The following UBXN2A variants were observed in gnomAD, a reference collection of about 807,000 sequenced individuals.
UBXN2A encodes the protein UBX domain protein 2A.
Under a neutral mutation model 28.4 loss-of-function variants are expected in UBXN2A, and 28 were observed. That is an observed-to-expected ratio of 0.99 (90% CI 0.73 to 1.35). The LOEUF (loss-of-function observed/expected upper bound fraction) is 1.35. UBXN2A is among the 40% of genes most tolerant of loss of function. UBXN2A has a pLI of 0.00. For missense variants in UBXN2A, 253 were observed against 297.9 expected (o/e 0.85, Z 1.11); for synonymous variants, 97 against 103.6 (o/e 0.94, Z 0.39).
In UBXN2A at chr2:23,958,295, T is replaced by C. The variant is rs768422579; in HGVS notation, c.-14-6T>C. On this transcript the variant is annotated splice_polypyrimidine_tract_variant and splice_region_variant and intron_variant, in intron 1 of 6. Transcript: ENST00000309033. Reference sequence around the variant, plus strand: ...CTTTTTACTTACTTTCTTTGTACTTTTACAGTAAGGCGAAAGAGAATGAAA... The same window carrying C: ...CTTTTTACTTACTTTCTTTGTACTTCTACAGTAAGGCGAAAGAGAATGAAA... The C allele has an allele frequency of 6.3e-7, 1 of 1,591,904 alleles. No individual in the cohort carries two copies. The highest frequency in any genetic ancestry group is 8.5e-7 in the Non-Finnish European group (1 of 1,172,468).
chr2:23,982,594 A>G (rs1363216713), intron 4 of UBXN2A, among the ~76,000 whole-genome samples: 1 of 152,092 alleles, frequency 6.6e-6, no homozygotes, highest in Non-Finnish European at 1.5e-5. Context: ...CCAGGAGTTC[A>G]AGACCAGCCT....
upstream of UBXN2A, among the ~76,000 whole-genome samples, chr2:23,938,162 A>G (rs923458056): frequency 6.6e-6 from 1 of 151,972 alleles, no homozygotes; most frequent in Non-Finnish European, 1.5e-5. Context: ...TCGCACCAGT[A>G]TTGTTAAGAT....
intron 1 of UBXN2A, among the ~76,000 whole-genome samples, chr2:23,943,443 A>G (rs1705869093): frequency 6.6e-6 from 1 of 152,058 alleles, no homozygotes; most frequent in African/African-American, 2.4e-5. Flanking sequence ...ATTCACACCT[A>G]TTGGAGGAAT....
chr2:23,953,705 G>C (rs1343473556), intron 1 of UBXN2A, among the ~76,000 whole-genome samples: 1 of 152,120 alleles, frequency 6.6e-6, no homozygotes, highest in African/African-American at 2.4e-5. Flanking sequence ...CATAATATAT[G>C]TGTTGAAGAA....
At chr2:23,981,476 TAAAAAAAAAAAAAAAAAAA>T (rs55665209) in intron 4 of UBXN2A, among the ~76,000 whole-genome samples, 1 of 28,910 alleles carries the variant, frequency 3.5e-5, no homozygotes, top group Non-Finnish European at 5.6e-5. Flanking sequence ...AGCTCCTATC[TAAAAAAAAAAAAAAAAAAA>T]AAAAAAAAAA....
At chr2:23,997,899 C>A (rs992657850) in intron 6 of UBXN2A, among the ~76,000 whole-genome samples, 5 of 151,436 alleles carry the variant, frequency 3.3e-5, no homozygotes, top group Non-Finnish European at 7.4e-5. Context: ...TGCAACCTCG[C>A]CTCCTGGGTT....
chr2:23,943,239 G>C (rs1192782114), intron 1 of UBXN2A, among the ~76,000 whole-genome samples: 1 of 151,910 alleles, frequency 6.6e-6, no homozygotes, highest in Non-Finnish European at 1.5e-5. Flanking sequence ...ACAGGCGTGA[G>C]CCACCGTGCC....
intron 3 of UBXN2A, among the ~76,000 whole-genome samples, chr2:23,972,156 G>A (rs542834433): frequency 6.6e-6 from 1 of 152,256 alleles, no homozygotes; most frequent in East Asian, 1.9e-4. Context: ...CACTGATATT[G>A]CAAAAGTAGT....
chr2:23,962,605 CTTT>C (rs1160440950), intron 2 of UBXN2A, among the ~76,000 whole-genome samples: 5 of 130,652 alleles, frequency 3.8e-5, no homozygotes, highest in Non-Finnish European at 3.3e-5. Context: ...TTTTTTTATT[CTTT>C]TTTTTTTTTT....
chr2:23,942,314 C>T (rs1181561498), intron 1 of UBXN2A, among the ~76,000 whole-genome samples: 3 of 149,976 alleles, frequency 2.0e-5, no homozygotes, highest in East Asian at 2.0e-4. Context: ...ATAGATGGCG[C>T]GGAGGCTAGG....
chr2:23,936,274 G>A (rs946217310), upstream of UBXN2A, among the ~76,000 whole-genome samples: 1 of 151,984 alleles, frequency 6.6e-6, no homozygotes, highest in East Asian at 1.9e-4. Flanking sequence ...AACCATAAAC[G>A]GGAATGATAT....
At chr2:23,966,139 A>C (rs1034179984) in intron 2 of UBXN2A, among the ~76,000 whole-genome samples, 2 of 150,538 alleles carry the variant, frequency 1.3e-5, no homozygotes, top group Non-Finnish European at 3.0e-5. Flanking sequence ...TATTGTAGTT[A>C]TTTTCTTTTT....
intron 2 of UBXN2A, among the ~76,000 whole-genome samples, chr2:23,959,214 G>A (rs1257647139): frequency 1.3e-5 from 2 of 152,042 alleles, no homozygotes; most frequent in Non-Finnish European, 2.9e-5. Context: ...GTTGTTGGCC[G>A]GGCACAGTGG....
intron 1 of UBXN2A, chr2:23,944,056 G>T: frequency 1.7e-6 from 1 of 597,970 alleles, no homozygotes. Context: ...ATGTCCATCT[G>T]CCACCATGGC....
intron 2 of UBXN2A, 34 bp from the exon 3 acceptor site, chr2:23,971,242 G>C: frequency 6.6e-7 from 1 of 1,505,640 alleles, no homozygotes; most frequent in Non-Finnish European, 9.0e-7. Context: ...AGACCTAATA[G>C]TTAATAGTGC....
At chr2:23,968,139 G>A (rs142196959) in intron 2 of UBXN2A, among the ~76,000 whole-genome samples, 1 of 152,298 alleles carries the variant, frequency 6.6e-6, no homozygotes, top group Non-Finnish European at 1.5e-5. Flanking sequence ...GTGATTAAGA[G>A]CAGAGACATT....
At chr2:23,952,812 C>CA (rs1022203142) in intron 1 of UBXN2A, among the ~76,000 whole-genome samples, 23 of 152,248 alleles carry the variant, frequency 1.5e-4, no homozygotes, top group Admixed American at 1.4e-3. Flanking sequence ...CTTCTGGCCT[C>CA]AAACAGTCCT....
In UBXN2A at chr2:23,982,909, G is replaced by A; in HGVS notation, c.301G>A (p.Glu101Lys). The change falls in exon 5 of 7, where the codon GAA becomes AAA. Residue 101 changes from glutamate (E) to lysine (K), a missense_variant. Physicochemically the swap from Glu to Lys is moderately conservative, Grantham distance 56. Coordinates refer to ENST00000309033, the MANE Select transcript of UBXN2A (RefSeq NM_181713.4). ...NSIKKGELPS[E>K]LQGIFDKEEV... The stretch of plus-strand genomic sequence containing the variant: ...TTGTTTTCCAAGGGAATTACCTTCA[G>A]AATTACAGGGAATTTTTGATAAAGA... 1 of 1,605,120 alleles carries A rather than the reference G, an allele frequency of 6.2e-7. No individual in the cohort carries two copies. Among genetic ancestry groups the A allele is most frequent in the Non-Finnish European group, 8.5e-7 (1 of 1,176,248 alleles).
rs1331296779 is a variant in UBXN2A, at chr2:24,003,850, CAT to C, written c.*3984_*3985del. Reference sequence around the variant, plus strand: ...AAGAAAATGTTTCATATAGGCCTATCATGTAGCATTTTTATTTGCATAATTAT... The same window carrying C: ...AAGAAAATGTTTCATATAGGCCTATCGTAGCATTTTTATTTGCATAATTAT... On this transcript the variant is annotated 3_prime_UTR_variant, in exon 7 of 7. Transcript: ENST00000309033. The C allele has an allele frequency of 2.0e-5, 3 of 151,830 alleles. No individual in the cohort carries two copies. Among genetic ancestry groups the C allele is most frequent in the Admixed American group, 1.3e-4 (2 of 15,226 alleles). 9.4% of individuals were successfully genotyped at this position (151,830 alleles called of 1,614,324 possible).
Sources: gnomAD v4.1 joint callset for allele counts (sites outside exome capture counted in the v4.1 genomes callset) on GRCh38, gnomAD v4.1.1 for gene constraint, MANE v1.5 for transcripts, NCBI Gene and HGNC (gene_info 2026-07-23, HGNC 2026-07-21) for gene names.